The following BLM variants were observed in gnomAD, a reference collection of about 807,000 sequenced individuals.
BLM encodes the protein recQ-like DNA helicase BLM.
A neutral mutation model predicts 135.3 loss-of-function variants in BLM; 95 were observed. The ratio of observed to expected loss-of-function variants is 0.70; its 90% CI spans 0.59 to 0.83. The LOEUF (loss-of-function observed/expected upper bound fraction) is 0.83, where lower values mean the gene tolerates loss of function less well. Ranked by LOEUF, BLM falls within the 40% of genes least tolerant of loss-of-function variation. The pLI is 0.00. For synonymous variants in BLM, 520 were observed against 589.2 expected (o/e 0.88, Z 1.70); for missense variants, 1,518 against 1,663.9 (o/e 0.91, Z 1.53).
At chr15:90,788,735 G>A (rs1896822001) in intron 14 of BLM, among the ~76,000 whole-genome samples, 1 of 152,000 alleles carries the variant, frequency 6.6e-6, no homozygotes, top group Admixed American at 6.6e-5. Flanking sequence ...CACTTTGGGA[G>A]GCCAAGGTGG....
At chr15:90,798,652 A>G (rs1160792151) in intron 17 of BLM, among the ~76,000 whole-genome samples, 1 of 152,130 alleles carries the variant, frequency 6.6e-6, no homozygotes, top group Non-Finnish European at 1.5e-5. Flanking sequence ...CAGCATAGAG[A>G]ATAGGAGAGA....
At chr15:90,732,433 T>C (rs1257353191) in intron 1 of BLM, among the ~76,000 whole-genome samples, 1 of 151,648 alleles carries the variant, frequency 6.6e-6, no homozygotes, top group Non-Finnish European at 1.5e-5. Flanking sequence ...CTGATCACCA[T>C]GCAACAAAAC....
At chr15:90,742,335 C>T (rs185356345) in intron 1 of BLM, among the ~76,000 whole-genome samples, 2 of 152,218 alleles carry the variant, frequency 1.3e-5, no homozygotes, top group Non-Finnish European at 2.9e-5. Context: ...AGGAACCACC[C>T]CCTAAAATCT....
intron 19 of BLM, 143 bp downstream of exon 19, chr15:90,804,502 C>A: frequency 2.2e-6 from 2 of 925,356 alleles, no homozygotes; most frequent in Non-Finnish European, 3.4e-6. Flanking sequence ...CTCGCTGTGT[C>A]ACCCGGGCTG....
At chr15:90,798,990 A>G (rs1897099504) in intron 17 of BLM, among the ~76,000 whole-genome samples, 1 of 149,712 alleles carries the variant, frequency 6.7e-6, no homozygotes, top group Non-Finnish European at 1.5e-5. Flanking sequence ...TCTCAAAAAT[A>G]ATAAATAAAC....
rs1274044135 is a variant in BLM at position 90,751,953 on chromosome 15, T to C, written c.959+7T>C. 3 of 1,598,714 alleles carry C rather than the reference T, an allele frequency of 1.9e-6. No homozygotes were observed. The highest frequency in any genetic ancestry group is 2.7e-5 in the African/African-American group (2 of 74,594). ...CCTCTTCAAAATGCCTTAGGTAAACTAGCTAAATAATTAGCATTATTATTT... is the reference window on the plus strand; with the variant it reads ...CCTCTTCAAAATGCCTTAGGTAAACCAGCTAAATAATTAGCATTATTATTT... On this transcript the variant is annotated splice_region_variant and intron_variant, in intron 4 of 21. Transcript: ENST00000355112.
intron 1 of BLM, among the ~76,000 whole-genome samples, chr15:90,739,617 A>G (rs144355854): frequency 6.6e-6 from 1 of 152,330 alleles, no homozygotes; most frequent in African/African-American, 2.4e-5. Flanking sequence ...GAAAAGGCAA[A>G]TACTGTATGA....
chr15:90,776,863 T>C (rs1338534157), intron 12 of BLM, among the ~76,000 whole-genome samples: 3 of 152,040 alleles, frequency 2.0e-5, no homozygotes, highest in Non-Finnish European at 4.4e-5. Context: ...TACTTTTAAA[T>C]AGAGTTTTGT....
At chr15:90,763,686 C>T (rs538687320) in intron 8 of BLM, among the ~76,000 whole-genome samples, 2 of 152,298 alleles carry the variant, frequency 1.3e-5, no homozygotes, top group African/African-American at 4.8e-5. Context: ...AGTAAAGTAC[C>T]TGGTTCACAG....
rs1897537862 is a variant in BLM at position 90,815,417 on chromosome 15, G to T, written c.*138G>T. 2.3e-5 allele frequency: 21 copies of T among 925,130 alleles called. No individual in the cohort carries two copies. In the South Asian group the frequency reaches 2.5e-4, roughly 11 times the overall value. 57.3% of individuals were successfully genotyped at this position (925,130 alleles called of 1,614,324 possible). A position where few individuals can be genotyped will look rare whatever the true frequency, so the allele number is the denominator to read the frequency against. On this transcript the variant is annotated 3_prime_UTR_variant, in exon 22 of 22. Coordinates refer to ENST00000355112, the MANE Select transcript of BLM (RefSeq NM_000057.4). The surrounding 1 kb of genome is among the most constrained non-coding windows in gnomAD (Gnocchi z 4.6). ...TTAATATTTAAATAAATGCTGGGGG[G>T]TGATAGTTCTTCTTTTTAAAATAAA...
At chr15:90,732,632 A>G (rs1243374005) in intron 1 of BLM, among the ~76,000 whole-genome samples, 3 of 151,804 alleles carry the variant, frequency 2.0e-5, no homozygotes, top group Admixed American at 6.6e-5. Context: ...GGGAAAATTT[A>G]TAATCTTCAG....
intron 17 of BLM, among the ~76,000 whole-genome samples, chr15:90,802,839 A>G (rs1301951046): frequency 1.3e-5 from 2 of 152,166 alleles, no homozygotes; most frequent in South Asian, 2.1e-4. Context: ...TTGCAACTCA[A>G]TGGATAAATA....
At chr15:90,755,092 T>A (rs1895783852) in intron 5 of BLM, among the ~76,000 whole-genome samples, 154 bp downstream of exon 5, 1 of 152,258 alleles carries the variant, frequency 6.6e-6, no homozygotes, top group Admixed American at 6.5e-5. Flanking sequence ...TGTTTACTGG[T>A]TAGCCAGCAT....
intron 1 of BLM, among the ~76,000 whole-genome samples, chr15:90,745,386 A>T (rs906801887): frequency 6.6e-6 from 1 of 152,186 alleles, no homozygotes; most frequent in Non-Finnish European, 1.5e-5. Flanking sequence ...TTGTTAATGT[A>T]TGTAAGGGAT....
At chr15:90,760,543 A>G (rs754115821) in intron 6 of BLM, 51 bp from the exon 7 acceptor site, 24 of 1,533,228 alleles carry the variant, frequency 1.6e-5, no homozygotes, top group Non-Finnish European at 2.1e-5. Context: ...TTTGTGGCCT[A>G]CCAGAGTAAA....
chr15:90,778,999 C>T (rs1455705000), intron 12 of BLM, among the ~76,000 whole-genome samples: 1 of 151,640 alleles, frequency 6.6e-6, no homozygotes, highest in African/African-American at 2.4e-5. Flanking sequence ...GATTCTTCTG[C>T]CTCAGCTTCC....
chr15:90,801,218 T>A (rs903095731), intron 17 of BLM, among the ~76,000 whole-genome samples: 1 of 151,662 alleles, frequency 6.6e-6, no homozygotes, highest in African/African-American at 2.4e-5. Flanking sequence ...TTTGACATGA[T>A]GGGTAAACAT....
intron 1 of BLM, among the ~76,000 whole-genome samples, chr15:90,727,358 T>C (rs927396306): frequency 6.6e-6 from 1 of 152,110 alleles, no homozygotes; most frequent in African/African-American, 2.4e-5. Flanking sequence ...ACATCTTTTA[T>C]TGTGAATTAT....
intron 14 of BLM, among the ~76,000 whole-genome samples, chr15:90,788,663 C>T (rs143403195): frequency 1.3e-5 from 2 of 151,830 alleles, no homozygotes; most frequent in African/African-American, 4.8e-5. Context: ...AAAAACAATA[C>T]ATGATAAGGA....
Sources: gnomAD v4.1 joint callset for allele counts (sites outside exome capture counted in the v4.1 genomes callset) on GRCh38, gnomAD v4.1.1 for gene constraint, Gnocchi (gnomAD v3.1) non-coding constraint, MANE v1.5 for transcripts, NCBI Gene and HGNC (gene_info 2026-07-23, HGNC 2026-07-21) for gene names.